Variants in KCNJ6 observed in about 807,000 individuals in gnomAD.
KCNJ6 encodes G protein-activated inward rectifier potassium channel 2.
KCNJ6 carries 9 observed loss-of-function variants against 34.2 expected under a neutral mutation model. The ratio of observed to expected loss-of-function variants is 0.26; its 90% confidence interval spans 0.16 to 0.46. The LOEUF is 0.46. Ranked by LOEUF, KCNJ6 falls within the 20% of genes least tolerant of loss-of-function variation. KCNJ6 has a pLI of 1.00. For synonymous variants in KCNJ6, 196 were observed against 207.1 expected (o/e 0.95, Z 0.46); for missense variants, 236 against 531.3 (o/e 0.44, Z 5.46).
chr21:37,870,847 G>T (rs2055648127), intron 1 of KCNJ6, among the ~76,000 whole-genome samples: 1 of 152,180 alleles, frequency 6.6e-6, no homozygotes. Context: ...TCTGCACCCG[G>T]TGGGTTCTGC....
chr21:37,821,555 C>CA (rs1162611226), intron 2 of KCNJ6, among the ~76,000 whole-genome samples: 3 of 152,258 alleles, frequency 2.0e-5, no homozygotes, highest in African/African-American at 7.2e-5. Context: ...CCTGCCCCCC[C>CA]AACAGGCCCC....
intron 1 of KCNJ6, among the ~76,000 whole-genome samples, chr21:37,912,592 T>C (rs1051933057): frequency 6.6e-6 from 1 of 152,230 alleles, no homozygotes; most frequent in Non-Finnish European, 1.5e-5. Flanking sequence ...AGCTGCGTTG[T>C]TTAATACTCC....
At chr21:37,648,921 C>T (rs1285656864) in intron 3 of KCNJ6, among the ~76,000 whole-genome samples, 1 of 152,068 alleles carries the variant, frequency 6.6e-6, no homozygotes, top group Non-Finnish European at 1.5e-5. Context: ...CACCTGAGGT[C>T]AGGAATTCGA....
intron 3 of KCNJ6, among the ~76,000 whole-genome samples, chr21:37,665,076 A>G (rs1787397): frequency 0.58 from 87,583 of 151,708 alleles, 25,517 homozygotes; most frequent in East Asian, 0.84. Flanking sequence ...GATTACAGAC[A>G]TGAGCCACCA....
chr21:37,844,301 G>A (rs1374072606), intron 1 of KCNJ6, among the ~76,000 whole-genome samples: 1 of 151,844 alleles, frequency 6.6e-6, no homozygotes, highest in East Asian at 1.9e-4. Context: ...CTCGTGATCC[G>A]CCCACCTTAT....
intron 1 of KCNJ6, among the ~76,000 whole-genome samples, chr21:37,870,617 C>T (rs1323992006): frequency 6.7e-6 from 1 of 150,362 alleles, no homozygotes; most frequent in Non-Finnish European, 1.5e-5. Flanking sequence ...CCAAAAGCAG[C>T]TCTTAGGAAG....
chr21:37,757,583 C>G (rs2055036171), intron 2 of KCNJ6, among the ~76,000 whole-genome samples: 1 of 149,868 alleles, frequency 6.7e-6, no homozygotes. Context: ...AGTGAGCACT[C>G]CCTCACAGAT....
At chr21:37,904,941 C>T (rs1020986338) in intron 1 of KCNJ6, among the ~76,000 whole-genome samples, 3 of 152,206 alleles carry the variant, frequency 2.0e-5, no homozygotes, top group Non-Finnish European at 4.4e-5. Flanking sequence ...AGTGACAAGA[C>T]ACCACAGCCC....
chr21:37,912,470 AAATAC>A (rs1162293028), intron 1 of KCNJ6, among the ~76,000 whole-genome samples: 1 of 152,196 alleles, frequency 6.6e-6, no homozygotes, highest in Non-Finnish European at 1.5e-5. Flanking sequence ...TAGAACTCAG[AAATAC>A]ATTACTTTGT....
intron 2 of KCNJ6, among the ~76,000 whole-genome samples, chr21:37,817,715 T>C (rs541487410): frequency 6.6e-6 from 1 of 152,320 alleles, no homozygotes; most frequent in Admixed American, 6.5e-5. Flanking sequence ...ATTGCTGTTG[T>C]TGCCGTTGTT....
chr21:37,905,265 T>C (rs185727971), intron 1 of KCNJ6, among the ~76,000 whole-genome samples: 1 of 152,318 alleles, frequency 6.6e-6, no homozygotes, highest in East Asian at 1.9e-4. Context: ...CTAATCCCAG[T>C]ATTTAACTCT....
In KCNJ6 at chr21:37,607,482, A is replaced by ATATATATATATATATTTTTTT; in HGVS notation, c.*17676_*17677insAAAAAAATATATATATATATA. 19 of 136,758 alleles carry ATATATATATATATATTTTTTT rather than the reference A, an allele frequency of 1.4e-4. No individual in the cohort carries two copies. The highest frequency in any genetic ancestry group is 1.4e-4 in the African/African-American group (5 of 36,474). 8.5% of individuals were successfully genotyped at this position (136,758 alleles called of 1,614,324 possible). On this transcript the variant is annotated 3_prime_UTR_variant, in exon 4 of 4. Coordinates refer to ENST00000609713, the MANE Select transcript of KCNJ6 (RefSeq NM_002240.5). ...CTTAAAGATATATATATATATATATATTTTTTTTTTATTTTAAAAAAATTT... is the reference window on the plus strand; with the variant it reads ...CTTAAAGATATATATATATATATATATATATATATATATATTTTTTTTTTTTTTTTTATTTTAAAAAAATTT...
At position 37,675,347 on chromosome 21, in the gene KCNJ6, T is replaced by C. The variant is rs941479335; in HGVS notation, c.946+38864A>G. ...TGGCGGGGATTTTTCCGCGAGTGGC[T>C]GCATTGGCTTTAAGAAACTGCGCCG... is the stretch of plus-strand genomic sequence containing the variant. On this transcript the variant is annotated intron_variant, in intron 3 of 3. Coordinates refer to ENST00000609713, the MANE Select transcript of KCNJ6 (RefSeq NM_002240.5). The surrounding 1 kb of genome is among the most constrained non-coding windows in gnomAD (Gnocchi z 4.2). 3.3e-5 allele frequency among the ~76,000 whole-genome samples: 5 copies of C among 152,240 alleles called. No homozygotes were observed. Among genetic ancestry groups the C allele is most frequent in the Non-Finnish European group, 7.3e-5 (5 of 68,038 alleles).
intron 2 of KCNJ6, among the ~76,000 whole-genome samples, chr21:37,728,253 C>T (rs1395000020): frequency 1.3e-5 from 2 of 152,112 alleles, no homozygotes; most frequent in Non-Finnish European, 2.9e-5. Context: ...CCTAGAATAG[C>T]CAAATTCATA....
chr21:37,889,464 G>A (rs934060330), intron 1 of KCNJ6, among the ~76,000 whole-genome samples: 1 of 152,186 alleles, frequency 6.6e-6, no homozygotes, highest in African/African-American at 2.4e-5. Flanking sequence ...GCTGGGGAAA[G>A]GGGTGGGTGT....
chr21:37,834,537 C>T (rs1476376025), intron 2 of KCNJ6, among the ~76,000 whole-genome samples: 1 of 152,246 alleles, frequency 6.6e-6, no homozygotes, highest in African/African-American at 2.4e-5. Flanking sequence ...AATGTTGCGC[C>T]TGGTGCAGGC....
intron 1 of KCNJ6, among the ~76,000 whole-genome samples, chr21:37,861,749 T>C (rs2055595930): frequency 6.6e-6 from 1 of 152,184 alleles, no homozygotes; most frequent in African/African-American, 2.4e-5. Flanking sequence ...GAGAAGGTAC[T>C]TGAGGAATGT....
intron 2 of KCNJ6, among the ~76,000 whole-genome samples, chr21:37,823,475 A>C (rs373836617): frequency 1.1e-4 from 17 of 152,246 alleles, no homozygotes; most frequent in African/African-American, 4.1e-4. Context: ...CCCACATGTC[A>C]AGGGAGGGAC....
At chr21:37,649,784 G>C (rs564392939) in intron 3 of KCNJ6, among the ~76,000 whole-genome samples, 1 of 152,036 alleles carries the variant, frequency 6.6e-6, no homozygotes, top group Non-Finnish European at 1.5e-5. Context: ...GGTCTGTCTC[G>C]CTCTGTCGCC....
Sources: allele counts gnomAD v4.1 joint callset (sites outside exome capture counted in the v4.1 genomes callset), GRCh38; gene constraint gnomAD v4.1.1; non-coding constraint Gnocchi (gnomAD v3.1); transcripts MANE v1.5; gene names NCBI Gene and HGNC (gene_info 2026-07-23, HGNC 2026-07-21).